CUL4B: variants seen among roughly 807,000 people sequenced by gnomAD.
The protein encoded by CUL4B is cullin 4B, also known as cullin-4B.
In CUL4B, 1 loss-of-function variant was observed where a neutral mutation model predicts 69.2. The ratio of observed to expected loss-of-function variants is 0.01; its 90% confidence interval spans 0.01 to 0.07. The LOEUF is 0.07. Ranked by LOEUF, CUL4B falls within the 10% of genes least tolerant of loss-of-function variation. The probability of loss-of-function intolerance (pLI) is 1.00; values close to 1 mark genes in which losing one functional copy is unlikely to be tolerated. For missense variants in CUL4B, 328 were observed against 638.8 expected, an observed-to-expected ratio of 0.51 and a Z score of 5.24; for synonymous variants, 237 against 223.2, an observed-to-expected ratio of 1.06 and a Z score of -0.55.
Position 120,524,130 on chromosome X carries a change from C to T in CUL4B, c.*2631G>A, listed in dbSNP as rs747451755. ...CAAAAATTTCAAGAGTATGGCTAGA[C>T]ATCATATTAAGACCATTCAAGCAGA... is the stretch of plus-strand genomic sequence containing the variant. On this transcript the variant is annotated 3_prime_UTR_variant, in exon 20 of 20. Transcript: ENST00000371322. 8.1e-5 allele frequency among the ~76,000 whole-genome samples: 9 copies of T among 111,389 alleles called. No individual in the cohort carries two copies. The South Asian group carries it at 1.1e-3, about 14-fold the overall frequency.
upstream of CUL4B, among the ~76,000 whole-genome samples, chrX:120,564,404 A>G (rs1033501292): frequency 1.8e-5 from 2 of 111,058 alleles, no homozygotes; most frequent in African/African-American, 6.6e-5. Flanking sequence ...TCAGGGGTTC[A>G]AGACCAGCCT....
chrX:120,538,295 T>C (rs1923787800), intron 13 of CUL4B, 86 bp from the exon 14 acceptor site: 3 of 603,781 alleles, frequency 5.0e-6, no homozygotes, highest in South Asian at 5.6e-5. Context: ...AATACAAAAC[T>C]TTAGTATGAA....
At chrX:120,570,876 A>G (rs1457954340), downstream of CUL4B, among the ~76,000 whole-genome samples, 2 of 111,701 alleles carry the variant, frequency 1.8e-5, no homozygotes, top group African/African-American at 6.5e-5. Flanking sequence ...CAGATATATA[A>G]TATGATAAAA....
At chrX:120,565,023 CA>C (rs1925451041), upstream of CUL4B, among the ~76,000 whole-genome samples, 1 of 112,481 alleles carries the variant, frequency 8.9e-6, no homozygotes, top group African/African-American at 3.2e-5. Context: ...GAAATACAAA[CA>C]AAGACAGGGA....
intron 11 of CUL4B, among the ~76,000 whole-genome samples, chrX:120,540,148 C>A (rs1220011083): frequency 8.9e-6 from 1 of 112,106 alleles, no homozygotes; most frequent in Non-Finnish European, 1.9e-5. Context: ...TAAATAGTGT[C>A]CAACGTACTG....
chrX:120,559,893 C>T (rs1159360630), intron 1 of CUL4B, 190 bp downstream of exon 1: 4 of 1,140,584 alleles, frequency 3.5e-6, no homozygotes, highest in Non-Finnish European at 2.3e-6. Context: ...GTGTATGCTT[C>T]AGCACAAGGA....
At chrX:120,567,409 G>C (rs1026648761), downstream of CUL4B, among the ~76,000 whole-genome samples, 1 of 110,244 alleles carries the variant, frequency 9.1e-6, no homozygotes, top group African/African-American at 3.3e-5. Flanking sequence ...TTACAGGCAT[G>C]AGCCACTGCA....
chrX:120,545,392 A>T (rs1924254348), intron 5 of CUL4B, 52 bp downstream of exon 5: 3 of 841,951 alleles, frequency 3.6e-6, no homozygotes, highest in Non-Finnish European at 5.2e-6. Flanking sequence ...AGTGTAATTA[A>T]GATTTGAGTA....
chrX:120,559,247 AAAGT>A (rs772385702), intron 1 of CUL4B, among the ~76,000 whole-genome samples: 2 of 112,371 alleles, frequency 1.8e-5, no homozygotes, highest in African/African-American at 6.5e-5. Flanking sequence ...GGGTGTTGAA[AAAGT>A]AAGTCAGAAA....
Position 120,546,619 on chromosome X carries a change from G to A in CUL4B, c.777-3C>T, listed in dbSNP as rs1467629869. The A allele has an allele frequency of 8.6e-7, 1 of 1,165,321 alleles. No individual in the cohort carries two copies. Among genetic ancestry groups the A allele is most frequent in the Non-Finnish European group, 1.2e-6 (1 of 854,353 alleles). On this transcript the variant is annotated splice_polypyrimidine_tract_variant and splice_region_variant and intron_variant, in intron 3 of 19. Coordinates refer to ENST00000371322, the MANE Select transcript of CUL4B (RefSeq NM_001079872.2). Reference sequence around the variant, plus strand: ...AAAGAACGCTATCCAATGAATCCCTGAAACATATGTTAAGGATATTTTAAA... The same window carrying A: ...AAAGAACGCTATCCAATGAATCCCTAAAACATATGTTAAGGATATTTTAAA...
In CUL4B at chrX:120,537,024, T is replaced by A; in HGVS notation, c.1949A>T (p.Asn650Ile). Reference sequence around the variant, plus strand: ...CTCAATATTTCCCGGAACATTCTGATTCTGCATATACTATAAGAAGATCAA... The same window carrying A: ...CTCAATATTTCCCGGAACATTCTGAATCTGCATATACTATAAGAAGATCAA... ...IMIQFKQYMQNQNVPGNIELT... is the reference protein window; with the variant it reads ...IMIQFKQYMQIQNVPGNIELT... The change falls in exon 15 of 20, where the codon AAT (asparagine) becomes ATT (isoleucine). Residue 650 changes from asparagine (N) to isoleucine (I), a missense_variant. By Grantham distance (149) the Asn-to-Ile change is moderately radical. This residue lies in a region of CUL4B where 98 missense variants were observed against 296.8 expected (regional missense o/e 0.33). Transcript: ENST00000371322. The A allele has an allele frequency of 8.5e-7, 1 of 1,172,974 alleles. No individual in the cohort carries two copies.
intron 19 of CUL4B, 45 bp downstream of exon 19, chrX:120,530,057 C>A: frequency 8.6e-7 from 1 of 1,161,322 alleles, no homozygotes; most frequent in Non-Finnish European, 1.2e-6. Flanking sequence ...AATGTACTTT[C>A]TTTTATTTAT....
upstream of CUL4B, among the ~76,000 whole-genome samples, chrX:120,566,345 GTATATATATATA>G (rs537274243): frequency 0.013 from 514 of 40,931 alleles, 20 homozygotes; most frequent in South Asian, 0.062. Flanking sequence ...GTGTGTATAG[GTATATATATATA>G]TATATATATA....
chrX:120,559,484 A>G (rs895176447), intron 1 of CUL4B, among the ~76,000 whole-genome samples: 2 of 112,473 alleles, frequency 1.8e-5, no homozygotes, highest in African/African-American at 6.5e-5. Flanking sequence ...CTAGTGGTAC[A>G]CAGAGTTACT....
intron 3 of CUL4B, 133 bp downstream of exon 3, chrX:120,547,003 G>A (rs1351904723): frequency 1.2e-5 from 6 of 486,193 alleles, no homozygotes; most frequent in African/African-American, 4.8e-5. Context: ...TTTCTTTCTC[G>A]AGAAACACAA....
chrX:120,566,347 A>ATGTATATATATATATATATATATG (rs1925520034), upstream of CUL4B, among the ~76,000 whole-genome samples: 1 of 12,465 alleles, frequency 8.0e-5, no homozygotes, highest in African/African-American at 2.1e-4. Context: ...GTGTATAGGT[A>ATGTATATATATATATATATATATG]TATATATATA....
chrX:120,555,668 G>A (rs780152474), intron 2 of CUL4B, among the ~76,000 whole-genome samples: 6 of 110,204 alleles, frequency 5.4e-5, no homozygotes, highest in Non-Finnish European at 1.1e-4. Context: ...TAGGCCAGGC[G>A]CGGTGGCTCA....
At chrX:120,528,656 C>A (rs1006165594) in intron 19 of CUL4B, among the ~76,000 whole-genome samples, 3 of 109,908 alleles carry the variant, frequency 2.7e-5, no homozygotes, top group African/African-American at 9.9e-5. Flanking sequence ...GGGAGGCAGA[C>A]GCTGCAGTGA....
downstream of CUL4B, among the ~76,000 whole-genome samples, chrX:120,567,163 G>A (rs772669717): frequency 1.5e-4 from 13 of 86,595 alleles, no homozygotes; most frequent in African/African-American, 2.7e-4. Flanking sequence ...TGGCTCTGTC[G>A]CCCAGGCTGG....
Sources: gnomAD v4.1 joint callset for allele counts (sites outside exome capture counted in the v4.1 genomes callset) on GRCh38, gnomAD v4.1.1 for gene constraint, gnomAD v4.1.1 regional missense constraint, MANE v1.5 for transcripts, NCBI Gene and HGNC (gene_info 2026-07-23, HGNC 2026-07-21) for gene names.